The following COL5A1 variants were observed in gnomAD, a reference collection of about 807,000 sequenced individuals.
The protein encoded by COL5A1 is collagen alpha-1(V) chain.
In COL5A1, 16 loss-of-function variants were observed where a neutral mutation model predicts 263.7. The ratio of observed to expected loss-of-function variants is 0.06; its 90% CI spans 0.04 to 0.09. The LOEUF (loss-of-function observed/expected upper bound fraction) is 0.09. Ranked by LOEUF, COL5A1 falls within the 10% of genes least tolerant of loss-of-function variation. COL5A1 has a pLI of 1.00. For synonymous variants in COL5A1, 1,012 were observed against 1,004.5 expected, an observed-to-expected ratio of 1.01 and a Z score of -0.14; for missense variants, 2,036 against 2,540.5, an observed-to-expected ratio of 0.80 and a Z score of 4.27.
intron 53 of COL5A1, among the ~76,000 whole-genome samples, chr9:134,817,462 G>C (rs1460548592): frequency 1.3e-5 from 2 of 152,216 alleles, no homozygotes; most frequent in African/African-American, 4.8e-5. Flanking sequence ...CAGCTGCCTG[G>C]TGCACCCAGG....
At chr9:134,739,130 C>T (rs1249444586) in intron 11 of COL5A1, among the ~76,000 whole-genome samples, 1 of 152,234 alleles carries the variant, frequency 6.6e-6, no homozygotes, top group Non-Finnish European at 1.5e-5. Flanking sequence ...CGGGGCCTTT[C>T]CCACTCCTCG....
At position 134,834,082 on chromosome 9, in the gene COL5A1, G is replaced by A. The variant is rs151308733; in HGVS notation, c.5137-889G>A. Among the ~76,000 whole-genome samples, 869 of 152,258 alleles carry A rather than the reference G, an allele frequency of 5.7e-3. 5 individuals carry two copies. The highest frequency in any genetic ancestry group is 8.9e-3 in the Non-Finnish European group (603 of 67,996). ...GTGCAGTGGCTCAGGGGCAGAAGGA[G>A]GACACCTGCTGTCCAGGGCTCAGGG... On this transcript the variant is annotated intron_variant, in intron 64 of 65. Transcript: ENST00000371817.
chr9:134,829,878 G>C (rs34553909), intron 63 of COL5A1, 98 bp from the exon 64 acceptor site: 2 of 1,358,584 alleles, frequency 1.5e-6, no homozygotes, highest in Admixed American at 3.9e-5. Context: ...GGATGCAGGC[G>C]CGGGGGCCGG....
intron 18 of COL5A1, among the ~76,000 whole-genome samples, chr9:134,759,449 ACACACT>A (rs1564437872): frequency 9.5e-6 from 1 of 105,356 alleles, no homozygotes; most frequent in Non-Finnish European, 1.7e-5. Context: ...ACCCACACCC[ACACACT>A]CATACATGCA....
chr9:134,694,015 T>A (rs1040530548), intron 2 of COL5A1, among the ~76,000 whole-genome samples: 3 of 152,056 alleles, frequency 2.0e-5, no homozygotes, highest in Non-Finnish European at 2.9e-5. Context: ...GAAGAGAGGG[T>A]GCAGCCCAGG....
rs765589835 is a variant in COL5A1 at position 134,738,850 on chromosome 9, G to A, written c.1494+42G>A. The A allele has an allele frequency of 4.5e-6, 7 of 1,546,478 alleles. No homozygotes were observed. In the Admixed American group the frequency reaches 1.2e-4, roughly 26 times the overall value. ...GTTTCCTGAGATCACACAAGGTGTGGGGCTGCCCACGCCTCCTCTCCACAC... is the reference window on the plus strand; with the variant it reads ...GTTTCCTGAGATCACACAAGGTGTGAGGCTGCCCACGCCTCCTCTCCACAC... On this transcript the variant is annotated intron_variant, in intron 11 of 65. Coordinates refer to ENST00000371817, the MANE Select transcript of COL5A1 (RefSeq NM_000093.5).
chr9:134,651,697 G>A lies in COL5A1; in HGVS notation c.109+9401G>A, dbSNP rs59069705. Reference sequence around the variant, plus strand: ...GCCTGGGTGTGGGGAGAGCCGGCCCGTTGCCCATGGGCTCTGCACAGTGGG... The same window carrying A: ...GCCTGGGTGTGGGGAGAGCCGGCCCATTGCCCATGGGCTCTGCACAGTGGG... On this transcript the variant is annotated intron_variant, in intron 1 of 65. Transcript: ENST00000371817. 9.2e-4 allele frequency among the ~76,000 whole-genome samples: 140 copies of A among 152,304 alleles called. 2 individuals are homozygous for A. The highest frequency in any genetic ancestry group is 6.8e-3 in the Middle Eastern group (2 of 294).
At chr9:134,745,449 C>T (rs569755511) in intron 11 of COL5A1, among the ~76,000 whole-genome samples, 2 of 152,264 alleles carry the variant, frequency 1.3e-5, no homozygotes, top group East Asian at 1.9e-4. Context: ...GTCTTTCTCA[C>T]GTGGGCCCCT....
At chr9:134,709,853 A>G (rs953634277) in intron 4 of COL5A1, among the ~76,000 whole-genome samples, 5 of 152,158 alleles carry the variant, frequency 3.3e-5, no homozygotes, top group Non-Finnish European at 7.4e-5. Context: ...GAAGGGACGC[A>G]TGATGCTGGA....
chr9:134,800,266 A>G (rs1007293942), intron 37 of COL5A1, among the ~76,000 whole-genome samples: 13 of 151,128 alleles, frequency 8.6e-5, no homozygotes, highest in African/African-American at 3.2e-4. Context: ...AACTTAACCA[A>G]GGCTCCGATC....
At chr9:134,695,033 C>A (rs1246400181) in intron 2 of COL5A1, among the ~76,000 whole-genome samples, 1 of 152,148 alleles carries the variant, frequency 6.6e-6, no homozygotes, top group Admixed American at 6.5e-5. Flanking sequence ...AGGCAGTGTC[C>A]CCCCTGGTCA....
chr9:134,810,016 C>T (rs1838456884), intron 43 of COL5A1, among the ~76,000 whole-genome samples: 1 of 152,216 alleles, frequency 6.6e-6, no homozygotes. Flanking sequence ...TATGACTTTT[C>T]CCACATCTTC....
intron 11 of COL5A1, among the ~76,000 whole-genome samples, chr9:134,745,907 G>A (rs575105001): frequency 3.9e-5 from 6 of 152,144 alleles, no homozygotes; most frequent in East Asian, 1.9e-4. Context: ...GCTTGCCGGC[G>A]CATCTCTGCA....
At chr9:134,797,281 G>C (rs1235636967) in intron 36 of COL5A1, among the ~76,000 whole-genome samples, 1 of 152,214 alleles carries the variant, frequency 6.6e-6, no homozygotes, top group Non-Finnish European at 1.5e-5. Flanking sequence ...ACAGCCCTGG[G>C]GGCCAGAAGT....
chr9:134,715,055 G>A (rs575865568), intron 4 of COL5A1, among the ~76,000 whole-genome samples: 15 of 152,102 alleles, frequency 9.9e-5, no homozygotes, highest in Non-Finnish European at 1.9e-4. Context: ...GGGGACCAGC[G>A]CTCAGCATAC....
intron 38 of COL5A1, among the ~76,000 whole-genome samples, 195 bp downstream of exon 38, chr9:134,802,202 C>T (rs986599395): frequency 6.6e-6 from 1 of 152,220 alleles, no homozygotes; most frequent in Non-Finnish European, 1.5e-5. Flanking sequence ...TGTTTGCCCT[C>T]AACACAAACC....
intron 63 of COL5A1, among the ~76,000 whole-genome samples, chr9:134,826,261 C>T (rs1461265382): frequency 6.6e-6 from 1 of 152,184 alleles, no homozygotes. Flanking sequence ...GAATTGGGAG[C>T]AGGTACAATA....
In COL5A1 at chr9:134,765,357, GA is replaced by G. The variant is rs141019526; in HGVS notation, c.2035-323del. Among the ~76,000 whole-genome samples, 6,185 of 152,130 alleles carry G rather than the reference GA, an allele frequency of 0.041. 170 individuals carry two copies. The highest frequency in any genetic ancestry group is 0.071 in the Middle Eastern group (21 of 294). On this transcript the variant is annotated intron_variant, in intron 20 of 65. Transcript: ENST00000371817. The surrounding 1 kb of genome is among the most constrained non-coding windows in gnomAD (Gnocchi z 5.1). The stretch of plus-strand genomic sequence containing the variant: ...GTTATAGCGTGGTGATTCTCTGGGG[GA>G]GCGTCTGCTCACCTGCCCCAGCAAG...
At chr9:134,759,642 A>C (rs1157467129) in intron 18 of COL5A1, among the ~76,000 whole-genome samples, 1 of 74,726 alleles carries the variant, frequency 1.3e-5, no homozygotes, top group Non-Finnish European at 2.3e-5. Context: ...CCATATTCAT[A>C]CACACATGCA....
Sources: allele counts gnomAD v4.1 joint callset (sites outside exome capture counted in the v4.1 genomes callset), GRCh38; gene constraint gnomAD v4.1.1; non-coding constraint Gnocchi (gnomAD v3.1); transcripts MANE v1.5; gene names NCBI Gene and HGNC (gene_info 2026-07-23, HGNC 2026-07-21).